The following EDA variants were observed in gnomAD, a reference collection of about 807,000 sequenced individuals.
EDA encodes ectodysplasin A, also known as ectodysplasin-A.
A neutral mutation model predicts 23.6 loss-of-function variants in EDA; 2 were observed. The ratio of observed to expected loss-of-function variants is 0.08; its 90% CI spans 0.03 to 0.27. The LOEUF (loss-of-function observed/expected upper bound fraction) is 0.27. Among genes scored for constraint, EDA ranks in the 10% least tolerant of loss-of-function variants. The pLI, the probability that EDA is intolerant of heterozygous loss-of-function variation, is 1.00. For missense variants in EDA, 229 were observed against 324.2 expected, an observed-to-expected ratio of 0.71 and a Z score of 2.26; for synonymous variants, 131 against 132.0, an observed-to-expected ratio of 0.99 and a Z score of 0.05.
rs144079979 is a variant in EDA, at chrX:69,761,368, T to A, written c.396+144664T>A. 6.2e-4 allele frequency among the ~76,000 whole-genome samples: 69 copies of A among 111,680 alleles called. No individual in the cohort carries two copies. The East Asian group carries it at 0.019, about 31-fold the overall frequency. On this transcript the variant is annotated intron_variant, in intron 1 of 7. Transcript: ENST00000374552. ...AAGCAGAACAAAGAAAATGGAGAGTTATCATTTATTTAGCACATTATAGTT... is the reference window on the plus strand; with the variant it reads ...AAGCAGAACAAAGAAAATGGAGAGTAATCATTTATTTAGCACATTATAGTT...
chrX:69,669,082 T>C (rs1933789730), intron 1 of EDA, among the ~76,000 whole-genome samples: 1 of 112,159 alleles, frequency 8.9e-6, no homozygotes, highest in Non-Finnish European at 1.9e-5. Context: ...TATAAAGATA[T>C]AAGCACAGCC....
intron 1 of EDA, among the ~76,000 whole-genome samples, chrX:69,755,917 G>T (rs138699656): frequency 8.9e-6 from 1 of 112,439 alleles, no homozygotes; most frequent in African/African-American, 3.2e-5. Context: ...TTGGAAAAGC[G>T]CAGTATTAGA....
chrX:69,975,569 C>T (rs1458492936), intron 2 of EDA, among the ~76,000 whole-genome samples: 2 of 111,290 alleles, frequency 1.8e-5, no homozygotes, highest in Non-Finnish European at 3.8e-5. Flanking sequence ...CAAACCTCGG[C>T]ATCACACAAC....
At chrX:69,867,130 T>C (rs1309303371) in intron 1 of EDA, among the ~76,000 whole-genome samples, 1 of 111,871 alleles carries the variant, frequency 8.9e-6, no homozygotes, top group Admixed American at 9.4e-5. Flanking sequence ...AATTGAGCAC[T>C]CAGCAGTGGC....
At chrX:69,749,192 G>A (rs1420593833) in intron 1 of EDA, among the ~76,000 whole-genome samples, 2 of 80,290 alleles carry the variant, frequency 2.5e-5, no homozygotes, top group Non-Finnish European at 4.8e-5. Context: ...TGCGGTGTTT[G>A]GTTTTTTGTT....
chrX:69,916,181 T>C (rs2018339989), intron 1 of EDA, among the ~76,000 whole-genome samples: 1 of 111,327 alleles, frequency 9.0e-6, no homozygotes, highest in Non-Finnish European at 1.9e-5. Context: ...AGATCAGTTA[T>C]GCAAGGCTGA....
At chrX:69,674,578 C>T (rs1164700206) in intron 1 of EDA, among the ~76,000 whole-genome samples, 1 of 111,622 alleles carries the variant, frequency 9.0e-6, no homozygotes, top group Non-Finnish European at 1.9e-5. Flanking sequence ...TTTCATGGAA[C>T]AATTTTTTAA....
intron 1 of EDA, among the ~76,000 whole-genome samples, chrX:69,863,463 T>G (rs2017421026): frequency 9.7e-6 from 1 of 102,752 alleles, no homozygotes; most frequent in African/African-American, 3.6e-5. Flanking sequence ...TTGAAAAAAA[T>G]AGACAATAAA....
At chrX:69,785,332 G>T (rs1426805854) in intron 1 of EDA, among the ~76,000 whole-genome samples, 1 of 78,497 alleles carries the variant, frequency 1.3e-5, no homozygotes, top group African/African-American at 3.9e-5. Context: ...ACACTATGTT[G>T]AATAGGAGTG....
At chrX:69,965,735 A>G (rs1323140704) in intron 2 of EDA, among the ~76,000 whole-genome samples, 1 of 112,438 alleles carries the variant, frequency 8.9e-6, no homozygotes, top group Non-Finnish European at 1.9e-5. Context: ...CCAGTTTAAA[A>G]TAAACAGATA....
In EDA at chrX:69,662,356, G is replaced by GTGAA. The variant is rs1933540320; in HGVS notation, c.396+45655_396+45656insATGA. On this transcript the variant is annotated intron_variant, in intron 1 of 7. Transcript: ENST00000374552. ...TCTTTCCTGTGCTGTTCTCATGATA[G>GTGAA]TGAGTTCTCATGAGATCTGATGGTT... 2.7e-5 allele frequency among the ~76,000 whole-genome samples: 3 copies of GTGAA among 110,245 alleles called. No homozygotes were observed. The Admixed American group carries it at 2.9e-4, about 11-fold the overall frequency.
intron 1 of EDA, among the ~76,000 whole-genome samples, chrX:69,788,777 C>G (rs1370917001): frequency 8.8e-6 from 1 of 113,334 alleles, no homozygotes; most frequent in Non-Finnish European, 1.9e-5. Flanking sequence ...GAGGTGGAGC[C>G]TACAGAGGCA....
chrX:69,783,788 G>A (rs1327054798), intron 1 of EDA, among the ~76,000 whole-genome samples: 2 of 109,192 alleles, frequency 1.8e-5, no homozygotes, highest in African/African-American at 3.3e-5. Context: ...ATGATTTATA[G>A]TCCTTTGGGT....
At chrX:69,681,717 A>G (rs1368638610) in intron 1 of EDA, among the ~76,000 whole-genome samples, 7 of 109,937 alleles carry the variant, frequency 6.4e-5, no homozygotes, top group African/African-American at 2.3e-4. Flanking sequence ...CTAGTTATAC[A>G]TTCTTCTAAA....
At chrX:69,676,709 T>A (rs190500478) in intron 1 of EDA, among the ~76,000 whole-genome samples, 171 of 111,411 alleles carry the variant, frequency 1.5e-3, no homozygotes, top group African/African-American at 4.9e-3. Context: ...GAGGCACTAA[T>A]CATATCTTCA....
At chrX:69,779,850 G>A (rs368880715) in intron 1 of EDA, among the ~76,000 whole-genome samples, 1 of 111,090 alleles carries the variant, frequency 9.0e-6, no homozygotes, top group South Asian at 3.8e-4. Context: ...TTCTATCTCC[G>A]AATTATTTTT....
intron 1 of EDA, among the ~76,000 whole-genome samples, chrX:69,806,745 G>A (rs1339041870): frequency 9.1e-6 from 1 of 110,351 alleles, no homozygotes; most frequent in Non-Finnish European, 1.9e-5. Context: ...GAGTTATCTA[G>A]ACAGATGGTA....
At chrX:69,769,784 T>C (rs2014574840) in intron 1 of EDA, among the ~76,000 whole-genome samples, 1 of 111,259 alleles carries the variant, frequency 9.0e-6, no homozygotes, top group African/African-American at 3.3e-5. Context: ...TATCCATATT[T>C]TCATCTGATG....
intron 1 of EDA, among the ~76,000 whole-genome samples, chrX:69,797,840 T>C (rs1391933587): frequency 3.6e-5 from 4 of 111,943 alleles, no homozygotes; most frequent in Non-Finnish European, 7.5e-5. Context: ...AATGTAAATG[T>C]ATTAAATTCT....
Sources: gnomAD v4.1 joint callset for allele counts (sites outside exome capture counted in the v4.1 genomes callset) on GRCh38, gnomAD v4.1.1 for gene constraint, MANE v1.5 for transcripts, NCBI Gene and HGNC (gene_info 2026-07-23, HGNC 2026-07-21) for gene names.